The following MIOS variants were observed in gnomAD, a reference collection of about 807,000 sequenced individuals.
The protein encoded by MIOS is meiosis regulator for oocyte development, also known as GATOR2 complex protein MIOS.
MIOS carries 52 observed loss-of-function variants against 96.9 expected under a neutral mutation model. The ratio of observed to expected loss-of-function variants is 0.54; its 90% CI spans 0.43 to 0.68. MIOS has a LOEUF of 0.68. MIOS is among the 30% of genes least tolerant of loss of function. The pLI, the probability that MIOS is intolerant of heterozygous loss-of-function variation, is 0.00. For synonymous variants in MIOS, 397 were observed against 359.5 expected (o/e 1.10, Z -1.18); for missense variants, 1,005 against 1,052.8 (o/e 0.95, Z 0.63).
chr7:7,595,230 A>G (rs183354429), intron 10 of MIOS, 98 bp downstream of exon 10: 4 of 1,295,950 alleles, frequency 3.1e-6, no homozygotes, highest in Middle Eastern at 2.1e-4. Context: ...TTGAGTTCCC[A>G]TTGATGTCTT....
At chr7:7,588,039 C>T (rs1017394621) in intron 7 of MIOS, among the ~76,000 whole-genome samples, 7 of 152,072 alleles carry the variant, frequency 4.6e-5, no homozygotes, top group Non-Finnish European at 5.9e-5. Flanking sequence ...TACTTGGAAA[C>T]GTATATTGGT....
Position 7,583,355 on chromosome 7 carries a change from GGGCATCTTCT to G in MIOS, c.1633_1642del (p.Ala545LysfsTer5), listed in dbSNP as rs1274479959. The G allele has an allele frequency of 6.2e-7, 1 of 1,606,330 alleles. No homozygotes were observed. Among genetic ancestry groups the G allele is most frequent in the Non-Finnish European group, 8.5e-7 (1 of 1,175,400 alleles). On this transcript the variant is annotated frameshift_variant, in exon 6 of 13. Coordinates refer to ENST00000340080, the MANE Select transcript of MIOS (RefSeq NM_019005.4). The stretch of plus-strand genomic sequence containing the variant: ...CGAGCAATCCAAATCCTGAATGAAG[GGGCATCTTCT>G]GAAAAAGGTATTAGGTTATAAACTA...
At chr7:7,592,300 A>G (rs1019730922) in intron 9 of MIOS, among the ~76,000 whole-genome samples, 6 of 152,042 alleles carry the variant, frequency 3.9e-5, no homozygotes, top group South Asian at 2.1e-4. Flanking sequence ...AGATTTGTTG[A>G]TTCTGTTGAC....
In MIOS at chr7:7,583,004, T is replaced by A. The variant is rs1345664991; in HGVS notation, c.1394-114T>A. ...AGTTCATATTTACACTATCATAAAATTATGGCCGAGAAGTTAAATATTCTA... is the reference window on the plus strand; with the variant it reads ...AGTTCATATTTACACTATCATAAAAATATGGCCGAGAAGTTAAATATTCTA... On this transcript the variant is annotated intron_variant, in intron 5 of 12. Transcript: ENST00000340080. 3 of 1,192,564 alleles carry A rather than the reference T, an allele frequency of 2.5e-6. No homozygotes were observed. In the African/African-American group the frequency reaches 4.6e-5, roughly 18 times the overall value. 73.9% of individuals were successfully genotyped at this position (1,192,564 alleles called of 1,614,324 possible).
chr7:7,569,163 G>A (rs1783258981), intron 3 of MIOS, among the ~76,000 whole-genome samples: 20 of 152,132 alleles, frequency 1.3e-4, no homozygotes, highest in Admixed American at 1.3e-3. Context: ...CCTTTGTGGG[G>A]GTATGAGTAT....
chr7:7,584,724 A>G (rs1783830597), intron 6 of MIOS, among the ~76,000 whole-genome samples: 1 of 152,182 alleles, frequency 6.6e-6, no homozygotes, highest in African/African-American at 2.4e-5. Flanking sequence ...TAGATTAAGA[A>G]AACTTATATA....
In MIOS at chr7:7,595,103, T is replaced by G. The variant is rs773470795; in HGVS notation, c.2167T>G (p.Leu723Val). 1 of 1,613,702 alleles carries G rather than the reference T, an allele frequency of 6.2e-7. No individual in the cohort carries two copies. The highest frequency in any genetic ancestry group is 1.1e-5 in the South Asian group (1 of 90,950). The change falls in exon 10 of 13, where the codon TTG becomes GTG. Residue 723 changes from leucine to valine, a missense_variant. Leu to Val is a conservative substitution (Grantham distance 32). Coordinates refer to ENST00000340080, the MANE Select transcript of MIOS (RefSeq NM_019005.4). ...TGAATTTGATATTCACAGGAGTAAG[T>G]TGGATCCCAGTTCCAAGCCTTTAGC... is the stretch of plus-strand genomic sequence containing the variant. ...RAEFDIHRSK[L>V]DPSSKPLAQV... is the part of the protein sequence containing the mutation.
At chr7:7,603,907 T>C (rs1252500981) in intron 11 of MIOS, among the ~76,000 whole-genome samples, 1 of 152,072 alleles carries the variant, frequency 6.6e-6, no homozygotes. Context: ...TTCATGTCCT[T>C]TGTAGGGACA....
At chr7:7,587,339 A>G (rs1390686898) in intron 7 of MIOS, among the ~76,000 whole-genome samples, 6 of 152,124 alleles carry the variant, frequency 3.9e-5, no homozygotes, top group African/African-American at 9.7e-5. Context: ...TTGTTTTGCT[A>G]TACATAAATT....
chr7:7,583,762 C>T (rs888257528), intron 6 of MIOS, among the ~76,000 whole-genome samples: 13 of 152,072 alleles, frequency 8.5e-5, no homozygotes, highest in African/African-American at 2.7e-4. Flanking sequence ...TTTATACTTT[C>T]TTTGGGATGG....
rs1784521613 is a variant in MIOS at position 7,606,062 on chromosome 7, G to A, written c.2522G>A (p.Ser841Asn). 6.2e-7 allele frequency: 1 copy of A among 1,613,692 alleles called. No homozygotes were observed. The highest frequency in any genetic ancestry group is 8.5e-7 in the Non-Finnish European group (1 of 1,179,720). ...RHGGHAGHML[S>N]WFRDHAECPV... is the part of the protein sequence containing the mutation. ...GGTGGACATGCTGGACATATGCTTA[G>A]TTGGTTCAGGTAATCAGCACATTTC... Residue 841 changes from serine to asparagine, a missense_variant, in exon 12 of 13, where the codon AGT becomes AAT. Ser to Asn is a conservative substitution (Grantham distance 46). Coordinates refer to ENST00000340080, the MANE Select transcript of MIOS (RefSeq NM_019005.4).
intron 8 of MIOS, among the ~76,000 whole-genome samples, chr7:7,588,884 A>G (rs1197319787): frequency 1.3e-5 from 2 of 152,142 alleles, no homozygotes; most frequent in Non-Finnish European, 2.9e-5. Flanking sequence ...CTAAATGCCT[A>G]TGCTGTGTAT....
chr7:7,589,858 A>G (rs372870948), intron 9 of MIOS, among the ~76,000 whole-genome samples: 1 of 152,228 alleles, frequency 6.6e-6, no homozygotes, highest in Non-Finnish European at 1.5e-5. Flanking sequence ...AATTGTTGAC[A>G]TAACTGCATC....
chr7:7,576,542 A>G (rs948000959), intron 5 of MIOS, among the ~76,000 whole-genome samples: 3 of 152,230 alleles, frequency 2.0e-5, no homozygotes, highest in African/African-American at 7.2e-5. Context: ...GGTAGAGAGC[A>G]TAGCACATTA....
chr7:7,602,677 C>G (rs1284981739), intron 11 of MIOS, among the ~76,000 whole-genome samples: 1 of 152,138 alleles, frequency 6.6e-6, no homozygotes, highest in African/African-American at 2.4e-5. Context: ...TCAGTGCCAT[C>G]CCCATCAAGC....
At chr7:7,574,232 T>C (rs1200607853) in intron 5 of MIOS, 36 bp downstream of exon 5, 1 of 1,491,114 alleles carries the variant, frequency 6.7e-7, no homozygotes, top group East Asian at 2.3e-5. Context: ...CCAATATGTT[T>C]ATAACTTTTG....
Position 7,572,969 on chromosome 7 carries a change from C to T in MIOS, c.494C>T (p.Ala165Val). ...IVPMEKVKLS[A>V]GETETTLLVT... is the part of the protein sequence containing the mutation. ...CCCATGGAAAAAGTGAAACTTTCAG[C>T]AGGTGAAACTGAAACAACATTATTA... is the stretch of plus-strand genomic sequence containing the variant. Residue 165 changes from alanine to valine, a missense_variant, in exon 4 of 13, where the codon GCA (alanine) becomes GTA (valine). Physicochemically the swap from Ala to Val is moderately conservative, Grantham distance 64. Around this residue, in one of 3 missense-constraint regions of MIOS, gnomAD observed 865 missense variants for 887.9 expected, o/e 0.97. Transcript: ENST00000340080. The surrounding 1 kb of genome is among the most constrained non-coding windows in gnomAD (Gnocchi z 4.8). 3 of 1,614,026 alleles carry T rather than the reference C, an allele frequency of 1.9e-6. No individual in the cohort carries two copies. The highest frequency in any genetic ancestry group is 1.1e-5 in the South Asian group (1 of 91,070).
intron 5 of MIOS, 67 bp downstream of exon 5, chr7:7,574,263 T>A: frequency 8.5e-7 from 1 of 1,178,202 alleles, no homozygotes; most frequent in Non-Finnish European, 1.2e-6. Context: ...TTGCCCCCTG[T>A]CATTTGGCAG....
chr7:7,573,680 A>G lies in MIOS; in HGVS notation c.1205A>G (p.Tyr402Cys). 1.2e-6 allele frequency: 2 copies of G among 1,613,900 alleles called. No individual in the cohort carries two copies. Among genetic ancestry groups the G allele is most frequent in the South Asian group, 1.1e-5 (1 of 91,080 alleles). The change falls in exon 4 of 13, where the codon TAT becomes TGT. Residue 402 changes from tyrosine to cysteine, a missense_variant. Tyr to Cys is a radical substitution (Grantham distance 194, BLOSUM62 -2). Around this residue, in one of 3 missense-constraint regions of MIOS, gnomAD observed 865 missense variants for 887.9 expected, o/e 0.97. Coordinates refer to ENST00000340080, the MANE Select transcript of MIOS (RefSeq NM_019005.4). The surrounding 1 kb of genome is among the most constrained non-coding windows in gnomAD (Gnocchi z 5.0). ...ATGCGTCTTCGGGCTTTATCAAGGT[A>G]TGGACTTGATACAGAGCAGGTGTGG... ...TKMRLRALSR[Y>C]GLDTEQVWRN...
Sources: gnomAD v4.1 joint callset for allele counts (sites outside exome capture counted in the v4.1 genomes callset) on GRCh38, gnomAD v4.1.1 for gene constraint, gnomAD v4.1.1 regional missense constraint, Gnocchi (gnomAD v3.1) non-coding constraint, MANE v1.5 for transcripts, NCBI Gene and HGNC (gene_info 2026-07-23, HGNC 2026-07-21) for gene names.